Variants in LYST observed in about 807,000 individuals in gnomAD.
LYST encodes the protein lysosomal trafficking regulator, also known as lysosomal-trafficking regulator.
LYST carries 192 observed loss-of-function variants against 413.6 expected under a neutral mutation model. That is an observed-to-expected ratio of 0.46 (90% CI 0.41 to 0.52). The LOEUF is 0.52. Ranked by LOEUF, LYST falls within the 20% of genes least tolerant of loss-of-function variation. The pLI, the probability that LYST is intolerant of heterozygous loss-of-function variation, is 0.00. For synonymous variants in LYST, 1,525 were observed against 1,567.3 expected (o/e 0.97, Z 0.64); for missense variants, 3,815 against 4,499.9 (o/e 0.85, Z 4.35).
At chr1:235,862,608 C>A (rs537825924) in intron 1 of LYST, among the ~76,000 whole-genome samples, 33 of 152,146 alleles carry the variant, frequency 2.2e-4, no homozygotes, top group African/African-American at 8.0e-4. Context: ...CCAGCCTGGG[C>A]AACACGGTGA....
chr1:235,847,593 A>G (rs1046972885), intron 1 of LYST, among the ~76,000 whole-genome samples: 6 of 152,166 alleles, frequency 3.9e-5, no homozygotes, highest in African/African-American at 1.4e-4. Context: ...GCTCCACTTA[A>G]AAGATACAGA....
chr1:235,750,045 G>A lies in LYST; in HGVS notation c.7780+1165C>T, dbSNP rs563222490. ...CAGGGGTAGTAAAGGTATACTTTCT[G>A]ATATCAAGAGAGGGCAAATTCCATC... On this transcript the variant is annotated intron_variant, in intron 28 of 52. Coordinates refer to ENST00000389793, the MANE Select transcript of LYST (RefSeq NM_000081.4). Among the ~76,000 whole-genome samples the A allele has an allele frequency of 1.5e-4, 23 of 152,200 alleles. No individual in the cohort carries two copies. The South Asian group carries it at 4.4e-3, about 29-fold the overall frequency.
intron 19 of LYST, among the ~76,000 whole-genome samples, chr1:235,771,474 C>G (rs1668662033): frequency 1.3e-5 from 2 of 152,134 alleles, no homozygotes. Context: ...GTTTTCCAAC[C>G]TGCAACTGAG....
At chr1:235,859,157 G>A (rs996755447) in intron 1 of LYST, among the ~76,000 whole-genome samples, 8 of 151,966 alleles carry the variant, frequency 5.3e-5, no homozygotes, top group African/African-American at 1.2e-4. Context: ...TTTCCTTTTC[G>A]TTTTTAAACA....
intron 3 of LYST, among the ~76,000 whole-genome samples, chr1:235,825,535 T>A (rs1572382298): frequency 6.6e-6 from 1 of 152,172 alleles, no homozygotes; most frequent in African/African-American, 2.4e-5. Context: ...TGTATTTCTA[T>A]GAGCAACAAA....
At chr1:235,857,766 CACACACACACACACACACAT>C (rs895700471) in intron 1 of LYST, among the ~76,000 whole-genome samples, 2 of 138,974 alleles carry the variant, frequency 1.4e-5, no homozygotes, top group African/African-American at 5.8e-5. Context: ...CACACACACA[CACACACACACACACACACAT>C]ATATATATAA....
At chr1:235,751,141 G>T (rs1021250267) in intron 28 of LYST, 69 bp downstream of exon 28, 2 of 1,372,612 alleles carry the variant, frequency 1.5e-6, no homozygotes, top group African/African-American at 1.4e-5. Flanking sequence ...AAGTGTGAAT[G>T]GCATAAGAAC....
intron 3 of LYST, among the ~76,000 whole-genome samples, chr1:235,820,803 T>C (rs1335922575): frequency 6.6e-6 from 1 of 152,218 alleles, no homozygotes; most frequent in African/African-American, 2.4e-5. Flanking sequence ...AATTTTATAA[T>C]TATTTCTAAT....
At chr1:235,772,851 T>A (rs1668848715) in intron 19 of LYST, among the ~76,000 whole-genome samples, 1 of 152,198 alleles carries the variant, frequency 6.6e-6, no homozygotes, top group Admixed American at 6.5e-5. Context: ...CCTGCCTGAC[T>A]GCAGTATTCT....
intron 1 of LYST, among the ~76,000 whole-genome samples, chr1:235,861,067 T>C (rs1255882027): frequency 6.6e-6 from 1 of 152,220 alleles, no homozygotes; most frequent in Non-Finnish European, 1.5e-5. Flanking sequence ...TAATCTGTTA[T>C]ATAAACATTG....
upstream of LYST, among the ~76,000 whole-genome samples, chr1:235,867,160 C>T (rs1037028064): frequency 5.3e-5 from 8 of 152,224 alleles, no homozygotes; most frequent in South Asian, 2.1e-4. Flanking sequence ...GCAGCCGGGG[C>T]CCGGTCTGGG....
At chr1:235,716,015 T>A (rs949196114) in intron 41 of LYST, among the ~76,000 whole-genome samples, 3 of 152,206 alleles carry the variant, frequency 2.0e-5, no homozygotes, top group Admixed American at 2.0e-4. Flanking sequence ...GTATAGTGAA[T>A]TTTCAAGAGT....
intron 44 of LYST, among the ~76,000 whole-genome samples, chr1:235,707,556 GA>G (rs1347527990): frequency 2.6e-5 from 4 of 152,136 alleles, no homozygotes; most frequent in Admixed American, 2.6e-4. Flanking sequence ...CTGGGAGGTG[GA>G]GGTTGCAGTG....
At chr1:235,710,504 A>T (rs1301229798) in intron 43 of LYST, among the ~76,000 whole-genome samples, 1 of 151,708 alleles carries the variant, frequency 6.6e-6, no homozygotes, top group Non-Finnish European at 1.5e-5. Flanking sequence ...GGAACATCTG[A>T]CTCCTGACCC....
chr1:235,697,186 C>T lies in LYST; in HGVS notation c.10461G>A (p.Gln3487=). ...GAGAGCCAAATCTTTCTCCGTGGGGCTGGCTGAAGCAGACCACAGGTACTG... is the reference window on the plus strand; with the variant it reads ...GAGAGCCAAATCTTTCTCCGTGGGGTTGGCTGAAGCAGACCACAGGTACTG... ...SAPVPVVCFS[Q]PHGERFGSLQ... is the part of the protein sequence containing the mutation. Residue 3487 remains glutamine (Q), a synonymous_variant, in exon 46 of 53, where the codon CAG becomes CAA. Coordinates refer to ENST00000389793, the MANE Select transcript of LYST (RefSeq NM_000081.4). 6.2e-7 allele frequency: 1 copy of T among 1,614,154 alleles called. No individual in the cohort carries two copies. Among genetic ancestry groups the T allele is most frequent in the African/African-American group, 1.3e-5 (1 of 75,044 alleles).
intron 19 of LYST, among the ~76,000 whole-genome samples, chr1:235,771,435 TA>T (rs1355273076): frequency 6.6e-6 from 1 of 152,210 alleles, no homozygotes; most frequent in Non-Finnish European, 1.5e-5. Flanking sequence ...AAGTACTAAA[TA>T]AACTTTGTCC....
chr1:235,799,506 T>C (rs1671953304), intron 10 of LYST, among the ~76,000 whole-genome samples: 1 of 152,184 alleles, frequency 6.6e-6, no homozygotes, highest in Non-Finnish European at 1.5e-5. Flanking sequence ...GGACCCAATA[T>C]CACTTCTGAG....
intron 39 of LYST, among the ~76,000 whole-genome samples, chr1:235,722,684 C>A (rs1346413568): frequency 6.6e-6 from 1 of 152,078 alleles, no homozygotes; most frequent in Non-Finnish European, 1.5e-5. Flanking sequence ...CGGGGTTTCA[C>A]CATGTTGGCC....
chr1:235,766,106 T>C lies in LYST; in HGVS notation c.6094A>G (p.Thr2032Ala). Residue 2032 changes from threonine (T) to alanine (A), a missense_variant, in exon 21 of 53, where the codon ACG becomes GCG. Coordinates refer to ENST00000389793, the MANE Select transcript of LYST (RefSeq NM_000081.4). ...ATGTGCAAAGAAAAGTAGAAGTTCG[T>C]GGGATTGTGACAAACGTAAGTATTA... ...PTNTYVCHNP[T>A]NFYFSLHIDG... 1 of 1,613,444 alleles carries C rather than the reference T, an allele frequency of 6.2e-7. No homozygotes were observed. Among genetic ancestry groups the C allele is most frequent in the Non-Finnish European group, 8.5e-7 (1 of 1,179,446 alleles).
Sources: gnomAD v4.1 joint callset for allele counts (sites outside exome capture counted in the v4.1 genomes callset) on GRCh38, gnomAD v4.1.1 for gene constraint, MANE v1.5 for transcripts, NCBI Gene and HGNC (gene_info 2026-07-23, HGNC 2026-07-21) for gene names.